The following ILRUN variants were observed in gnomAD, a reference collection of about 807,000 sequenced individuals.
The protein encoded by ILRUN is inflammation and lipid regulator with UBA-like and NBR1-like domains.
A neutral mutation model predicts 33.8 loss-of-function variants in ILRUN; 3 were observed. The ratio of observed to expected loss-of-function variants is 0.09; its 90% CI spans 0.04 to 0.23. The LOEUF (loss-of-function observed/expected upper bound fraction) is 0.23. Ranked by LOEUF, ILRUN falls within the 10% of genes least tolerant of loss-of-function variation. ILRUN has a pLI of 1.00. For synonymous variants in ILRUN, 124 were observed against 138.9 expected, an observed-to-expected ratio of 0.89 and a Z score of 0.75; for missense variants, 210 against 375.1, an observed-to-expected ratio of 0.56 and a Z score of 3.64.
In ILRUN at chr6:34,679,037, T is replaced by C. The variant is rs1763301440; in HGVS notation, c.158+17409A>G. Among the ~76,000 whole-genome samples the C allele has an allele frequency of 3.3e-5, 5 of 151,060 alleles. No homozygotes were observed. In the South Asian group the frequency reaches 1.0e-3, roughly 31 times the overall value. ...GAGGATCGAAAAACTACTTGTCAGGTACTATGCTTATTACCTTGGCGACAA... is the reference window on the plus strand; with the variant it reads ...GAGGATCGAAAAACTACTTGTCAGGCACTATGCTTATTACCTTGGCGACAA... On this transcript the variant is annotated intron_variant, in intron 1 of 4. Transcript: ENST00000374023.
intron 1 of ILRUN, among the ~76,000 whole-genome samples, chr6:34,691,081 G>A (rs1487899421): frequency 6.6e-6 from 1 of 152,044 alleles, no homozygotes; most frequent in Non-Finnish European, 1.5e-5. Flanking sequence ...GTAGAGACGG[G>A]GTTCCACCAT....
At chr6:34,599,950 G>C (rs1051868208) in intron 4 of ILRUN, among the ~76,000 whole-genome samples, 7 of 152,020 alleles carry the variant, frequency 4.6e-5, no homozygotes, top group African/African-American at 1.7e-4. Flanking sequence ...AGCAAATCCT[G>C]TTAGCTCTAG....
intron 4 of ILRUN, among the ~76,000 whole-genome samples, chr6:34,591,103 TTTAA>T (rs1761284578): frequency 6.6e-6 from 1 of 152,218 alleles, no homozygotes; most frequent in Admixed American, 6.5e-5. Context: ...CTACATTGCC[TTTAA>T]TTCTCACCTC....
At chr6:34,597,441 T>C (rs951359274) in intron 4 of ILRUN, among the ~76,000 whole-genome samples, 1 of 152,222 alleles carries the variant, frequency 6.6e-6, no homozygotes, top group South Asian at 2.1e-4. Context: ...TTCAAGTTCC[T>C]AGTCAGGTAG....
intron 3 of ILRUN, among the ~76,000 whole-genome samples, chr6:34,626,293 C>T (rs1237369268): frequency 1.3e-5 from 2 of 152,110 alleles, no homozygotes; most frequent in African/African-American, 2.4e-5. Flanking sequence ...CACATTTGCC[C>T]GCAAAGTAGC....
At chr6:34,641,150 C>A (rs1297886813) in intron 3 of ILRUN, among the ~76,000 whole-genome samples, 2 of 150,298 alleles carry the variant, frequency 1.3e-5, no homozygotes, top group Non-Finnish European at 3.0e-5. Flanking sequence ...AAAAAGCAAT[C>A]TTTTGTTGTT....
intron 2 of ILRUN, among the ~76,000 whole-genome samples, chr6:34,651,749 T>TATATA (rs1346248466): frequency 7.2e-6 from 1 of 139,730 alleles, no homozygotes; most frequent in African/African-American, 2.7e-5. Context: ...AAAAAAAAAA[T>TATATA]TATATATATA....
intron 1 of ILRUN, among the ~76,000 whole-genome samples, chr6:34,683,433 T>C (rs1397846998): frequency 3.7e-5 from 3 of 81,812 alleles, no homozygotes; most frequent in Admixed American, 2.5e-4. Context: ...TATATACATA[T>C]ATATATACAT....
At position 34,651,430 on chromosome 6, in the gene ILRUN, T is replaced by C. The variant is rs556415732; in HGVS notation, c.313+3195A>G. ...AAAGGTAGGCTTTGGGGGTTCTGAT[T>C]TGACAGTCTAACTACTACATACCAA... On this transcript the variant is annotated intron_variant, in intron 2 of 4. Coordinates refer to ENST00000374023, the MANE Select transcript of ILRUN (RefSeq NM_024294.4). 4.3e-4 allele frequency among the ~76,000 whole-genome samples: 66 copies of C among 152,166 alleles called. No individual in the cohort carries two copies. The South Asian group carries it at 8.3e-3, about 19-fold the overall frequency.
At chr6:34,649,554 CA>C (rs1307351321) in intron 2 of ILRUN, among the ~76,000 whole-genome samples, 1 of 151,240 alleles carries the variant, frequency 6.6e-6, no homozygotes, top group South Asian at 2.1e-4. Flanking sequence ...AAAACAAAAA[CA>C]AAAAAAACCC....
In ILRUN at chr6:34,590,305, G is replaced by T; in HGVS notation, c.*260C>A. 3.1e-6 allele frequency: 1 copy of T among 323,426 alleles called. No individual in the cohort carries two copies. The highest frequency in any genetic ancestry group is 4.8e-5 in the East Asian group (1 of 20,822). 20.0% of individuals were successfully genotyped at this position (323,426 alleles called of 1,614,324 possible). A position where few individuals can be genotyped will look rare whatever the true frequency, so the allele number is the denominator to read the frequency against. ...TGACCTAATGACTTGTTAGACTGAT[G>T]CCTATAACAAAACCCAAAGTGGCTG... On this transcript the variant is annotated 3_prime_UTR_variant, in exon 5 of 5. Transcript: ENST00000374023.
intron 1 of ILRUN, among the ~76,000 whole-genome samples, chr6:34,684,343 C>CT (rs778387230): frequency 3.3e-5 from 5 of 152,272 alleles, no homozygotes; most frequent in Non-Finnish European, 7.4e-5. Context: ...GCTTATATGA[C>CT]TTTTTAAAGT....
intron 3 of ILRUN, among the ~76,000 whole-genome samples, chr6:34,624,154 T>C (rs1490808744): frequency 6.6e-6 from 1 of 151,314 alleles, no homozygotes; most frequent in African/African-American, 2.4e-5. Context: ...TCTGGTGAAT[T>C]TACCAACCAG....
intron 1 of ILRUN, among the ~76,000 whole-genome samples, chr6:34,684,838 C>T (rs77648195): frequency 6.6e-6 from 1 of 152,180 alleles, no homozygotes; most frequent in East Asian, 1.9e-4. Flanking sequence ...ATATTCACTA[C>T]AAAGATACGC....
chr6:34,662,124 CAAAAAAAAAAAAAAA>C (rs57423564), intron 1 of ILRUN, among the ~76,000 whole-genome samples: 11,150 of 39,582 alleles, frequency 0.28, 667 homozygotes, highest in African/African-American at 0.33. Flanking sequence ...GACTCCGTCT[CAAAAAAAAAAAAAAA>C]AAAAAAAAAA....
intron 1 of ILRUN, among the ~76,000 whole-genome samples, chr6:34,658,160 C>G (rs1762813967): frequency 6.6e-6 from 1 of 151,968 alleles, no homozygotes; most frequent in Non-Finnish European, 1.5e-5. Flanking sequence ...ACCAGCCTGG[C>G]CAACGTGGTG....
intron 1 of ILRUN, among the ~76,000 whole-genome samples, chr6:34,667,263 T>C (rs1016990772): frequency 3.3e-5 from 5 of 152,310 alleles, no homozygotes; most frequent in African/African-American, 1.2e-4. Context: ...AATACCCCCT[T>C]TTTTGGATCC....
chr6:34,682,677 T>C (rs952598256), intron 1 of ILRUN, among the ~76,000 whole-genome samples: 8 of 151,986 alleles, frequency 5.3e-5, no homozygotes, highest in African/African-American at 1.7e-4. Context: ...TCTCCCTATG[T>C]GGCCTAGGCT....
At chr6:34,630,081 G>T (rs1038974434) in intron 3 of ILRUN, among the ~76,000 whole-genome samples, 1 of 152,070 alleles carries the variant, frequency 6.6e-6, no homozygotes, top group Non-Finnish European at 1.5e-5. Flanking sequence ...TAAAATAGGG[G>T]TTACTTCGAC....
Sources: allele counts gnomAD v4.1 joint callset (sites outside exome capture counted in the v4.1 genomes callset), GRCh38; gene constraint gnomAD v4.1.1; transcripts MANE v1.5; gene names NCBI Gene and HGNC (gene_info 2026-07-23, HGNC 2026-07-21).